NEK1: variants seen among roughly 807,000 people sequenced by gnomAD.
The protein encoded by NEK1 is NIMA related kinase 1.
A neutral mutation model predicts 182.1 loss-of-function variants in NEK1; 137 were observed. The ratio of observed to expected loss-of-function variants is 0.75; its 90% CI spans 0.65 to 0.87. The LOEUF (loss-of-function observed/expected upper bound fraction) is 0.87. Among genes scored for constraint, NEK1 ranks in the 40% least tolerant of loss-of-function variants. The probability of loss-of-function intolerance (pLI) is 0.00; values close to 1 mark genes in which losing one functional copy is unlikely to be tolerated. For synonymous variants in NEK1, 513 were observed against 492.2 expected, an observed-to-expected ratio of 1.04 and a Z score of -0.56; for missense variants, 1,391 against 1,494.4, an observed-to-expected ratio of 0.93 and a Z score of 1.14.
chr4:169,480,187 C>T (rs1480789050), intron 23 of NEK1, among the ~76,000 whole-genome samples: 1 of 152,096 alleles, frequency 6.6e-6, no homozygotes, highest in Non-Finnish European at 1.5e-5. Context: ...CTTCCTCAAT[C>T]TAGGAAACAA....
chr4:169,490,484 A>G (rs1427780200), intron 23 of NEK1, among the ~76,000 whole-genome samples: 2 of 152,148 alleles, frequency 1.3e-5, no homozygotes, highest in Non-Finnish European at 1.5e-5. Flanking sequence ...ACCCCAAAGA[A>G]ATGGAAATTT....
At chr4:169,507,589 A>G (rs1244552471) in intron 22 of NEK1, 126 bp downstream of exon 22, 7 of 528,492 alleles carry the variant, frequency 1.3e-5, no homozygotes, top group Non-Finnish European at 3.2e-6. Context: ...AAAGTGGAGG[A>G]GAAAGATGAA....
Position 169,555,711 on chromosome 4 carries a change from C to A in NEK1, c.1562+9G>T. ...ACATGGATGAATTCATGGATCATCACAGTCCAACCTGTTTGCATTGGCTTG... is the reference window on the plus strand; with the variant it reads ...ACATGGATGAATTCATGGATCATCAAAGTCCAACCTGTTTGCATTGGCTTG... On this transcript the variant is annotated intron_variant, in intron 18 of 35. Transcript: ENST00000507142. 6.2e-7 allele frequency: 1 copy of A among 1,613,742 alleles called. No individual in the cohort carries two copies. The highest frequency in any genetic ancestry group is 1.3e-5 in the African/African-American group (1 of 75,020).
Position 169,477,299 on chromosome 4 carries a change from A to G in NEK1, c.2259T>C (p.Asp753=), listed in dbSNP as rs1373001067. The change falls in exon 26 of 36, where the codon GAT becomes GAC. Residue 753 remains aspartate (D), a synonymous_variant. Coordinates refer to ENST00000507142, the MANE Select transcript of NEK1 (RefSeq NM_001199397.3). ...RLNENLKAQE[D]EKGKQNLSDT... ...CAGAGAGATTCTGCTTTCCTTTTTC[A>G]TCTTCTTGAGCTTTAAGATTTTCAT... 10 of 1,590,410 alleles carry G rather than the reference A, an allele frequency of 6.3e-6. No homozygotes were observed. The highest frequency in any genetic ancestry group is 8.6e-6 in the Non-Finnish European group (10 of 1,166,606).
intron 16 of NEK1, among the ~76,000 whole-genome samples, chr4:169,556,352 T>A (rs1238470822): frequency 6.6e-6 from 1 of 152,190 alleles, no homozygotes; most frequent in Non-Finnish European, 1.5e-5. Flanking sequence ...ACTAATTTCA[T>A]GTAAATATGG....
intron 26 of NEK1, among the ~76,000 whole-genome samples, chr4:169,465,100 C>T (rs1744675272): frequency 6.6e-6 from 1 of 151,946 alleles, no homozygotes; most frequent in South Asian, 2.1e-4. Context: ...CATGAAAGTA[C>T]ATGCAAATTA....
chr4:169,498,552 C>T (rs569851906), intron 23 of NEK1, among the ~76,000 whole-genome samples: 88 of 152,258 alleles, frequency 5.8e-4, no homozygotes, highest in Middle Eastern at 3.4e-3. Flanking sequence ...CTGGTTGTTC[C>T]TTTCCATGTT....
In NEK1 at chr4:169,555,371, T is replaced by C. The variant is rs72692930; in HGVS notation, c.1562+349A>G. ...AAAAGGGCGAAAAATGCACTGGGGTTCTGCATAAAGTGTGATTCAATTTAG... is the reference window on the plus strand; with the variant it reads ...AAAAGGGCGAAAAATGCACTGGGGTCCTGCATAAAGTGTGATTCAATTTAG... On this transcript the variant is annotated intron_variant, in intron 18 of 35. Transcript: ENST00000507142. The C allele has an allele frequency of 5.5e-3, 1,340 of 241,556 alleles. 28 individuals are homozygous for C. Among genetic ancestry groups the C allele is most frequent in the South Asian group, 0.03 (578 of 19,356 alleles). 15.0% of individuals were successfully genotyped at this position (241,556 alleles called of 1,614,324 possible).
intron 18 of NEK1, among the ~76,000 whole-genome samples, chr4:169,539,794 A>C (rs1759107674): frequency 6.6e-6 from 1 of 152,062 alleles, no homozygotes; most frequent in Non-Finnish European, 1.5e-5. Flanking sequence ...AGTAGACAAG[A>C]TAGGTGATCT....
At chr4:169,512,763 G>T (rs1754397741) in intron 19 of NEK1, among the ~76,000 whole-genome samples, 1 of 152,008 alleles carries the variant, frequency 6.6e-6, no homozygotes, top group South Asian at 2.1e-4. Context: ...CTGTTTTGAG[G>T]TAATTATTTT....
rs766187836 is a variant in NEK1, at chr4:169,561,911, A to G, written c.1081-20T>C. 7.6e-6 allele frequency: 12 copies of G among 1,577,682 alleles called. No individual in the cohort carries two copies. The South Asian group carries it at 1.3e-4, about 17-fold the overall frequency. On this transcript the variant is annotated intron_variant, in intron 13 of 35. Coordinates refer to ENST00000507142, the MANE Select transcript of NEK1 (RefSeq NM_001199397.3). ...TGCTTCCTTAAATAAAAAAAAGAACATTTTAATCCATAATAATTCCTGTTT... is the reference window on the plus strand; with the variant it reads ...TGCTTCCTTAAATAAAAAAAAGAACGTTTTAATCCATAATAATTCCTGTTT...
intron 23 of NEK1, among the ~76,000 whole-genome samples, chr4:169,495,318 A>C: frequency 7.3e-6 from 1 of 136,414 alleles, no homozygotes; most frequent in African/African-American, 2.7e-5. Flanking sequence ...ATCTCGACTC[A>C]CTGCAAGCTC....
intron 16 of NEK1, among the ~76,000 whole-genome samples, chr4:169,560,263 T>A (rs10016460): frequency 0.089 from 13,496 of 152,184 alleles, 784 homozygotes; most frequent in African/African-American, 0.16. Context: ...CTTCCAAGTT[T>A]ACTGGTTCTT....
intron 12 of NEK1, among the ~76,000 whole-genome samples, chr4:169,565,980 A>AT (rs1763617617): frequency 6.6e-6 from 1 of 152,174 alleles, no homozygotes; most frequent in African/African-American, 2.4e-5. Context: ...CAATAAAGCT[A>AT]TTTTTTAGAA....
chr4:169,512,969 T>C (rs1165539836), intron 19 of NEK1, among the ~76,000 whole-genome samples: 5 of 152,138 alleles, frequency 3.3e-5, no homozygotes, highest in African/African-American at 1.2e-4. Context: ...GTCTATCCCT[T>C]TGCCACTACT....
At chr4:169,568,403 T>C (rs551137892) in intron 12 of NEK1, among the ~76,000 whole-genome samples, 1 of 152,312 alleles carries the variant, frequency 6.6e-6, no homozygotes, top group Non-Finnish European at 1.5e-5. Flanking sequence ...CTGAACTCTA[T>C]TAGAAAACAT....
Position 169,429,708 on chromosome 4 carries a change from T to C in NEK1, c.2886-3474A>G, listed in dbSNP as rs554235866. On this transcript the variant is annotated intron_variant, in intron 29 of 35. Coordinates refer to ENST00000507142, the MANE Select transcript of NEK1 (RefSeq NM_001199397.3). ...CCACTAAGTTAGTCTCTCAAACACT[T>C]ACCATCTGTCATTTTATCGATGCCC... Among the ~76,000 whole-genome samples, 4 of 152,274 alleles carry C rather than the reference T, an allele frequency of 2.6e-5. No homozygotes were observed. The East Asian group carries it at 5.8e-4, about 22-fold the overall frequency.
intron 35 of NEK1, among the ~76,000 whole-genome samples, chr4:169,394,980 G>A (rs1192708355): frequency 1.3e-5 from 2 of 152,034 alleles, no homozygotes; most frequent in Non-Finnish European, 2.9e-5. Context: ...ATAAAAATTT[G>A]ACAATAAAAT....
chr4:169,570,061 G>C (rs369067832), intron 12 of NEK1, among the ~76,000 whole-genome samples: 1 of 148,368 alleles, frequency 6.7e-6, no homozygotes, highest in East Asian at 2.0e-4. Flanking sequence ...GCCTCTTCCC[G>C]GCCGCCATCC....
Sources: allele counts gnomAD v4.1 joint callset (sites outside exome capture counted in the v4.1 genomes callset), GRCh38; gene constraint gnomAD v4.1.1; transcripts MANE v1.5; gene names NCBI Gene and HGNC (gene_info 2026-07-23, HGNC 2026-07-21).